Variants in PCDHGA2 observed in about 807,000 individuals in gnomAD.
The protein encoded by PCDHGA2 is protocadherin gamma subfamily A, 2, also known as protocadherin gamma-A2.
A neutral mutation model predicts 59.2 loss-of-function variants in PCDHGA2; 40 were observed. The ratio of observed to expected loss-of-function variants is 0.68; its 90% CI spans 0.52 to 0.88. The LOEUF is 0.88. Ranked by LOEUF, PCDHGA2 falls within the 40% of genes least tolerant of loss-of-function variation. The pLI is 0.00. For synonymous variants in PCDHGA2, 560 were observed against 526.0 expected, an observed-to-expected ratio of 1.06 and a Z score of -0.89; for missense variants, 1,226 against 1,204.0, an observed-to-expected ratio of 1.02 and a Z score of -0.27.
rs1406362621 is a variant in PCDHGA2, at chr5:141,477,099, G to A, written c.2425-17708G>A. On this transcript the variant is annotated intron_variant, in intron 1 of 3. Transcript: ENST00000394576. This position sits in a 1 kb window ranked among gnomAD's most constrained non-coding sequence, Gnocchi z 4.9. ...ATTTACATCCAGGCCAAAGACAAGG[G>A]CGCCAATCCCGAAGGAGCACATTGC... The A allele has an allele frequency of 6.2e-7, 1 of 1,614,256 alleles. No individual in the cohort carries two copies. Among genetic ancestry groups the A allele is most frequent in the Non-Finnish European group, 8.5e-7 (1 of 1,180,054 alleles).
chr5:141,360,907 G>T, intron 1 of PCDHGA2: 1 of 1,613,998 alleles, frequency 6.2e-7, no homozygotes, highest in Non-Finnish European at 8.5e-7. Context: ...CGTGCCGCCG[G>T]GCTTCTTTGT....
At chr5:141,388,351 C>T (rs1245529264) in intron 1 of PCDHGA2, 1 of 1,613,898 alleles carries the variant, frequency 6.2e-7, no homozygotes, top group African/African-American at 1.3e-5. Context: ...ATATTAGGAT[C>T]TGCCCATGAT....
At chr5:141,498,826 A>G (rs1186868890) in intron 2 of PCDHGA2, among the ~76,000 whole-genome samples, 1 of 152,006 alleles carries the variant, frequency 6.6e-6, no homozygotes, top group African/African-American at 2.4e-5. Context: ...CCAGCTACTC[A>G]GGAGGCTGAG....
chr5:141,414,920 C>A (rs1222364302), intron 1 of PCDHGA2: 1 of 1,614,146 alleles, frequency 6.2e-7, no homozygotes, highest in South Asian at 1.1e-5. Flanking sequence ...GTGGAGCTGG[C>A]GCCCCGCTCC....
In PCDHGA2 at chr5:141,339,056, G is replaced by A; in HGVS notation, c.85G>A (p.Gly29Arg). The stretch of plus-strand genomic sequence containing the variant: ...GGCGACCCTGTGGGAGGCCAGGGCC[G>A]GGCAGATTCGCTATTCTGTGCGGGA... ...LLATLWEARA[G>R]QIRYSVREEI... Residue 29 changes from glycine (G) to arginine (R), a missense_variant, in exon 1 of 4, where the codon GGG (glycine) becomes AGG (arginine). Transcript: ENST00000394576. 2.5e-6 allele frequency: 4 copies of A among 1,612,114 alleles called. No homozygotes were observed. Among genetic ancestry groups the A allele is most frequent in the East Asian group, 4.5e-5 (2 of 44,842 alleles).
intron 1 of PCDHGA2, chr5:141,390,223 G>A (rs137959577): frequency 3.7e-6 from 6 of 1,614,020 alleles, no homozygotes; most frequent in East Asian, 2.2e-5. Context: ...ATACTTTGCG[G>A]TGATTCATCT....
In PCDHGA2 at chr5:141,476,524, T is replaced by C. The variant is rs1350353768; in HGVS notation, c.2425-18283T>C. On this transcript the variant is annotated intron_variant, in intron 1 of 3. Coordinates refer to ENST00000394576, the MANE Select transcript of PCDHGA2 (RefSeq NM_018915.4). The surrounding 1 kb of genome is among the most constrained non-coding windows in gnomAD (Gnocchi z 7.6). ...TCAACGACAACAATCCTGCTTTCCC[T>C]ACCCAGGAAATGAAATTGGAGATTA... 6.2e-7 allele frequency: 1 copy of C among 1,614,182 alleles called. No individual in the cohort carries two copies. Among genetic ancestry groups the C allele is most frequent in the Non-Finnish European group, 8.5e-7 (1 of 1,180,028 alleles).
At chr5:141,360,790 G>C in intron 1 of PCDHGA2, 1 of 1,613,878 alleles carries the variant, frequency 6.2e-7, no homozygotes, top group Non-Finnish European at 8.5e-7. Context: ...GGATGGCGGA[G>C]ACCCACCTCA....
chr5:141,430,151 A>T (rs774490087), intron 1 of PCDHGA2, among the ~76,000 whole-genome samples: 8 of 152,166 alleles, frequency 5.3e-5, no homozygotes, highest in Non-Finnish European at 8.8e-5. Flanking sequence ...GGATCATTCA[A>T]GGAATCTATT....
intron 1 of PCDHGA2, chr5:141,375,379 G>C (rs763011403): frequency 1.2e-6 from 2 of 1,613,794 alleles, no homozygotes; most frequent in Non-Finnish European, 1.7e-6. Context: ...CACCACCTCT[G>C]TCTACAGAAA....
In PCDHGA2 at chr5:141,477,696, A is replaced by T. The variant is rs778604051; in HGVS notation, c.2425-17111A>T. The T allele has an allele frequency of 2.1e-5, 34 of 1,614,054 alleles. No individual in the cohort carries two copies. Among genetic ancestry groups the T allele is most frequent in the Non-Finnish European group, 2.9e-5 (34 of 1,180,044 alleles). On this transcript the variant is annotated intron_variant, in intron 1 of 3. Transcript: ENST00000394576. This position sits in a 1 kb window ranked among gnomAD's most constrained non-coding sequence, Gnocchi z 4.9. ...GTGTCATCCTTAGTGCCCCTAGACT[A>T]TGAGGATCGGCGGGAATTTGAATTA...
intron 1 of PCDHGA2, chr5:141,428,122 G>A: frequency 6.2e-7 from 1 of 1,606,172 alleles, no homozygotes; most frequent in Non-Finnish European, 8.5e-7. Context: ...ATCGAGCCCG[G>A]GCTTTTCAGC....
At chr5:141,454,567 C>T (rs572130062) in intron 1 of PCDHGA2, among the ~76,000 whole-genome samples, 10 of 150,966 alleles carry the variant, frequency 6.6e-5, no homozygotes, top group South Asian at 2.1e-4. Context: ...CCACCACGCC[C>T]GGCTAATTTT....
chr5:141,444,001 C>G (rs2098413288), intron 1 of PCDHGA2, among the ~76,000 whole-genome samples: 1 of 151,914 alleles, frequency 6.6e-6, no homozygotes, highest in Non-Finnish European at 1.5e-5. Flanking sequence ...TTAAATGCTA[C>G]CTGGGTATTG....
At chr5:141,414,629 G>T in intron 1 of PCDHGA2, 1 of 1,614,000 alleles carries the variant, frequency 6.2e-7, no homozygotes. Context: ...GACCCGGACA[G>T]CAAAGAGAAT....
At chr5:141,410,258 G>C in intron 1 of PCDHGA2, 1 of 1,614,022 alleles carries the variant, frequency 6.2e-7, no homozygotes, top group Non-Finnish European at 8.5e-7. Context: ...TGACCCCCAG[G>C]CTGAACTGCA....
intron 1 of PCDHGA2, among the ~76,000 whole-genome samples, chr5:141,407,088 G>T (rs955657125): frequency 4.6e-5 from 7 of 152,058 alleles, no homozygotes; most frequent in African/African-American, 1.7e-4. Context: ...ATGAAGAATT[G>T]TTTTATTTGT....
In PCDHGA2 at chr5:141,341,292, A is replaced by C. The variant is rs761177861; in HGVS notation, c.2321A>C (p.Asn774Thr). The change falls in exon 1 of 4, where the codon AAC becomes ACC. Residue 774 changes from asparagine to threonine, a missense_variant. Transcript: ENST00000394576. The stretch of plus-strand genomic sequence containing the variant: ...AGCCACCTGATTTTCCCCCAGCCCA[A>C]CTATGCGGACACGCTCATCAGCCAG... ...RKSHLIFPQP[N>T]YADTLISQES... The C allele has an allele frequency of 6.2e-7, 1 of 1,614,218 alleles. No homozygotes were observed.
At chr5:141,403,240 T>A (rs948095468) in intron 1 of PCDHGA2, 2 of 1,613,926 alleles carry the variant, frequency 1.2e-6, no homozygotes, top group Admixed American at 3.3e-5. Flanking sequence ...AGGAGCTCTG[T>A]GCTCAGAGCC....
Sources: gnomAD v4.1 joint callset for allele counts (sites outside exome capture counted in the v4.1 genomes callset) on GRCh38, gnomAD v4.1.1 for gene constraint, Gnocchi (gnomAD v3.1) non-coding constraint, MANE v1.5 for transcripts, NCBI Gene and HGNC (gene_info 2026-07-23, HGNC 2026-07-21) for gene names.